The following KIF26B variants were observed in gnomAD, a reference collection of about 807,000 sequenced individuals.
KIF26B encodes the protein kinesin family member 26B, also known as kinesin-like protein KIF26B.
Under a neutral mutation model 151.2 loss-of-function variants are expected in KIF26B, and 63 were observed. The observed-to-expected ratio is 0.42, with a 90% CI of 0.34 to 0.51. The LOEUF (loss-of-function observed/expected upper bound fraction) is 0.51, where lower values mean the gene tolerates loss of function less well. Among genes scored for constraint, KIF26B ranks in the 20% least tolerant of loss-of-function variants. The probability of loss-of-function intolerance (pLI) is 0.07; values close to 1 mark genes in which losing one functional copy is unlikely to be tolerated. For synonymous variants in KIF26B, 1,357 were observed against 1,262.1 expected (o/e 1.08, Z -1.59); for missense variants, 2,813 against 2,913.6 (o/e 0.97, Z 0.79).
chr1:245,425,914 AT>A (rs1054253296), intron 4 of KIF26B, among the ~76,000 whole-genome samples: 1 of 152,208 alleles, frequency 6.6e-6, no homozygotes, highest in African/African-American at 2.4e-5. Flanking sequence ...AAATTGTCAT[AT>A]TTTTGGTGTT....
chr1:245,611,826 G>A lies in KIF26B; in HGVS notation c.1948G>A (p.Ala650Thr), dbSNP rs781404705. ...QNQSELRAPT[A>T]EKAAFFLDAA... ...CCAGAGCGAGCTGCGGGCCCCCACC[G>A]CAGAGAAGGCTGCCTTTTTCCTGGA... Residue 650 changes from alanine to threonine, a missense_variant, in exon 9 of 15, where the codon GCA (alanine) becomes ACA (threonine). Coordinates refer to ENST00000407071, the MANE Select transcript of KIF26B (RefSeq NM_018012.4). 13 of 1,613,644 alleles carry A rather than the reference G, an allele frequency of 8.1e-6. No homozygotes were observed. The highest frequency in any genetic ancestry group is 4.5e-5 in the East Asian group (2 of 44,876).
At chr1:245,347,875 G>T (rs1302458643) in intron 2 of KIF26B, among the ~76,000 whole-genome samples, 1 of 152,228 alleles carries the variant, frequency 6.6e-6, no homozygotes, top group Non-Finnish European at 1.5e-5. Context: ...CACCTACTAT[G>T]TGCCAGTTAC....
In KIF26B at chr1:245,684,694, A is replaced by C. The variant is rs56382371; in HGVS notation, c.2421+299A>C. Among the ~76,000 whole-genome samples, 696 of 152,270 alleles carry C rather than the reference A, an allele frequency of 4.6e-3. 1 individual carries two copies. The highest frequency in any genetic ancestry group is 7.7e-3 in the Non-Finnish European group (522 of 68,014). ...AATGGATTGCTACCTCAAGAGGAAA[A>C]ACGTTGGAGGGATGGAAAATATTGT... is the stretch of plus-strand genomic sequence containing the variant. On this transcript the variant is annotated intron_variant, in intron 11 of 14. Coordinates refer to ENST00000407071, the MANE Select transcript of KIF26B (RefSeq NM_018012.4).
At chr1:245,625,277 G>T (rs1418490566) in intron 9 of KIF26B, among the ~76,000 whole-genome samples, 1 of 152,036 alleles carries the variant, frequency 6.6e-6, no homozygotes, top group Non-Finnish European at 1.5e-5. Flanking sequence ...TTTTAGAGTC[G>T]CTTTCTAAAT....
At position 245,352,755 on chromosome 1, in the gene KIF26B, C is replaced by A. The variant is rs565628996; in HGVS notation, c.466-14079C>A. On this transcript the variant is annotated intron_variant, in intron 2 of 14. Transcript: ENST00000407071. This position sits in a 1 kb window ranked among gnomAD's most constrained non-coding sequence, Gnocchi z 5.0. ...CTTCGCATTTTTGGGAATCTCAACT[C>A]CTGAGCCTGTCTTACTAGTACGGGT... Among the ~76,000 whole-genome samples the A allele has an allele frequency of 3.4e-4, 52 of 152,160 alleles. No individual in the cohort carries two copies. The highest frequency in any genetic ancestry group is 1.3e-3 in the African/African-American group (52 of 41,512).
At chr1:245,431,206 T>G (rs1658769057) in intron 4 of KIF26B, among the ~76,000 whole-genome samples, 1 of 152,108 alleles carries the variant, frequency 6.6e-6, no homozygotes, top group Non-Finnish European at 1.5e-5. Context: ...TGAGACAGAG[T>G]CTCGCTCCGT....
chr1:245,483,840 TC>T (rs981077971), intron 4 of KIF26B, among the ~76,000 whole-genome samples: 10 of 151,932 alleles, frequency 6.6e-5, no homozygotes, highest in Non-Finnish European at 1.3e-4. Context: ...GAAGCATATT[TC>T]CTGTTACTTT....
At chr1:245,685,291 G>T (rs1380512569) in intron 11 of KIF26B, 114 bp from the exon 12 acceptor site, 1 of 879,326 alleles carries the variant, frequency 1.1e-6, no homozygotes, top group Non-Finnish European at 1.7e-6. Context: ...GCCAACGGGG[G>T]TGGCTGTCAG....
chr1:245,198,999 C>A (rs987495824), intron 2 of KIF26B, among the ~76,000 whole-genome samples: 1 of 151,950 alleles, frequency 6.6e-6, no homozygotes, highest in Non-Finnish European at 1.5e-5. Context: ...AGGCTGGAGT[C>A]CCAAGCAGGG....
intron 4 of KIF26B, among the ~76,000 whole-genome samples, chr1:245,523,283 T>C (rs1460994868): frequency 1.3e-5 from 2 of 152,192 alleles, no homozygotes; most frequent in Non-Finnish European, 2.9e-5. Flanking sequence ...TTTGGTCCCA[T>C]ATTCTCAATT....
In KIF26B at chr1:245,564,767, G is replaced by A. The variant is rs1214345683; in HGVS notation, c.1350+23817G>A. ...TTCCCACGGACCAAGGGTGGTGGTG[G>A]GGGATGATGATTTCAGGAAGATTCC... On this transcript the variant is annotated intron_variant, in intron 5 of 14. Transcript: ENST00000407071. This position sits in a 1 kb window ranked among gnomAD's most constrained non-coding sequence, Gnocchi z 4.6. Among the ~76,000 whole-genome samples the A allele has an allele frequency of 6.6e-6, 1 of 152,184 alleles. No individual in the cohort carries two copies. Among genetic ancestry groups the A allele is most frequent in the African/African-American group, 2.4e-5 (1 of 41,436 alleles).
chr1:245,279,732 A>G (rs917504529), intron 2 of KIF26B, among the ~76,000 whole-genome samples: 39 of 151,542 alleles, frequency 2.6e-4, no homozygotes, highest in African/African-American at 9.0e-4. Flanking sequence ...ATTTCTCCCC[A>G]AGTAATCACT....
At chr1:245,533,295 T>G (rs1012183500) in intron 4 of KIF26B, among the ~76,000 whole-genome samples, 1 of 152,170 alleles carries the variant, frequency 6.6e-6, no homozygotes, top group South Asian at 2.1e-4. Flanking sequence ...CTGCCACCCC[T>G]GTCCTGGGTC....
chr1:245,418,622 C>T (rs776227806), intron 3 of KIF26B, among the ~76,000 whole-genome samples: 7 of 152,146 alleles, frequency 4.6e-5, no homozygotes, highest in Non-Finnish European at 1.0e-4. Flanking sequence ...ACATTTTCCA[C>T]TTAGCATTTA....
intron 2 of KIF26B, among the ~76,000 whole-genome samples, chr1:245,305,107 G>A (rs1360586971): frequency 6.6e-6 from 1 of 152,172 alleles, no homozygotes; most frequent in Admixed American, 6.5e-5. Context: ...AGAGAGGACT[G>A]AATTAGGTTT....
chr1:245,524,523 A>G (rs1661194718), intron 4 of KIF26B, among the ~76,000 whole-genome samples: 1 of 152,212 alleles, frequency 6.6e-6, no homozygotes, highest in African/African-American at 2.4e-5. Flanking sequence ...AATCATAGTA[A>G]CCTATGAAAA....
Position 245,687,318 on chromosome 1 carries a change from A to T in KIF26B, c.4335A>T (p.Glu1445Asp). The change falls in exon 12 of 15, where the codon GAA becomes GAT. Residue 1445 changes from glutamate (E) to aspartate (D), a missense_variant. Physicochemically the swap from Glu to Asp is conservative, Grantham distance 45. Transcript: ENST00000407071. This position sits in a 1 kb window ranked among gnomAD's most constrained non-coding sequence, Gnocchi z 4.9. ...TTGAGGACCCGTGGCTGAAACGAGAAGAGGAAGTGAAAAAAGAGACGGCTC... is the reference window on the plus strand; with the variant it reads ...TTGAGGACCCGTGGCTGAAACGAGATGAGGAAGTGAAAAAAGAGACGGCTC... ...MKFEDPWLKR[E>D]EEVKKETAHP... is the part of the protein sequence containing the mutation. 6.2e-7 allele frequency: 1 copy of T among 1,603,014 alleles called. No individual in the cohort carries two copies. Among genetic ancestry groups the T allele is most frequent in the Non-Finnish European group, 8.5e-7 (1 of 1,175,260 alleles).
At chr1:245,595,941 T>C (rs1448885002) in intron 5 of KIF26B, among the ~76,000 whole-genome samples, 1 of 152,234 alleles carries the variant, frequency 6.6e-6, no homozygotes, top group African/African-American at 2.4e-5. Flanking sequence ...TTTTGTAGTT[T>C]ATTTGCATAG....
At chr1:245,695,597 G>A (rs2147965274) in intron 12 of KIF26B, among the ~76,000 whole-genome samples, 1 of 152,314 alleles carries the variant, frequency 6.6e-6, no homozygotes, top group African/African-American at 2.4e-5. Context: ...CCTGACAGTG[G>A]GCACTCACTT....
Sources: gnomAD v4.1 joint callset for allele counts (sites outside exome capture counted in the v4.1 genomes callset) on GRCh38, gnomAD v4.1.1 for gene constraint, Gnocchi (gnomAD v3.1) non-coding constraint, MANE v1.5 for transcripts, NCBI Gene and HGNC (gene_info 2026-07-23, HGNC 2026-07-21) for gene names.